FAAP100: variants seen among roughly 807,000 people sequenced by gnomAD.
FAAP100 encodes the protein Fanconi anemia core complex-associated protein 100.
FAAP100 carries 46 observed loss-of-function variants against 65.8 expected under a neutral mutation model. The observed-to-expected ratio is 0.70, with a 90% CI of 0.55 to 0.89. FAAP100 has a LOEUF of 0.89. Among genes scored for constraint, FAAP100 ranks in the 40% least tolerant of loss-of-function variants. FAAP100 has a pLI of 0.00. For missense variants in FAAP100, 1,165 were observed against 1,196.7 expected (o/e 0.97, Z 0.39); for synonymous variants, 663 against 555.1 (o/e 1.19, Z -2.73).
chr17:81,540,907 G>A lies in FAAP100; in HGVS notation c.2558C>T (p.Thr853Met), dbSNP rs142264957. Residue 853 changes from threonine (T) to methionine (M), a missense_variant, in exon 9 of 9, where the codon ACG (threonine) becomes ATG (methionine). Coordinates refer to ENST00000327787, the MANE Select transcript of FAAP100 (RefSeq NM_025161.6). ...GGCACAGGAGCTGGCCTCATCCTCCGTGCAGAGCCGGTCGCGCAGGGTCTG... is the reference window on the plus strand; with the variant it reads ...GGCACAGGAGCTGGCCTCATCCTCCATGCAGAGCCGGTCGCGCAGGGTCTG... Reference protein sequence around the residue: ...EVQTLRDRLCTEDEASSCATA... With the variant: ...EVQTLRDRLCMEDEASSCATA... The A allele has an allele frequency of 2.1e-4, 330 of 1,590,832 alleles. No homozygotes were observed. The highest frequency in any genetic ancestry group is 4.1e-4 in the African/African-American group (31 of 74,814).
chr17:81,541,464 G>A (rs1370360911), intron 7 of FAAP100, 69 bp from the exon 8 acceptor site: 29 of 1,371,584 alleles, frequency 2.1e-5, no homozygotes, highest in Non-Finnish European at 2.9e-5. Flanking sequence ...CTTGGAGCAG[G>A]GTGACCCTCT....
chr17:81,553,106 G>A (rs79691486), upstream of FAAP100: 143 of 163,528 alleles, frequency 8.7e-4, 2 homozygotes, highest in East Asian at 0.022. Context: ...CTGCAGTACG[G>A]ACACCTGCTC....
rs982480217 is a variant in FAAP100, at chr17:81,552,063, G to C, written c.166-11C>G. On this transcript the variant is annotated splice_polypyrimidine_tract_variant and intron_variant, in intron 1 of 8. Transcript: ENST00000327787. ...GAACCGGAACGCCGCCTGCGGACCGGGGCGCGGGTCAGGCCGACGCGACGC... is the reference window on the plus strand; with the variant it reads ...GAACCGGAACGCCGCCTGCGGACCGCGGCGCGGGTCAGGCCGACGCGACGC... The C allele has an allele frequency of 6.7e-7, 1 of 1,502,510 alleles. No individual in the cohort carries two copies. 93.1% of individuals were successfully genotyped at this position (1,502,510 alleles called of 1,614,324 possible). A position where few individuals can be genotyped will look rare whatever the true frequency, so the allele number is the denominator to read the frequency against.
chr17:81,540,242 T>C lies in FAAP100; in HGVS notation c.*577A>G. 1 of 398,988 alleles carries C rather than the reference T, an allele frequency of 2.5e-6. No homozygotes were observed. Among genetic ancestry groups the C allele is most frequent in the East Asian group, 3.6e-5 (1 of 28,078 alleles). 24.7% of individuals were successfully genotyped at this position (398,988 alleles called of 1,614,324 possible). A position where few individuals can be genotyped will look rare whatever the true frequency, so the allele number is the denominator to read the frequency against. ...CGGGCACTTGCAGGAGCTCCCTGCA[T>C]GCTGTTTTGTGCTTTGGTCTCAGGG... On this transcript the variant is annotated 3_prime_UTR_variant, in exon 9 of 9. Transcript: ENST00000327787.
At chr17:81,544,719 G>A (rs908350436) in intron 6 of FAAP100, among the ~76,000 whole-genome samples, 5 of 152,228 alleles carry the variant, frequency 3.3e-5, no homozygotes, top group African/African-American at 9.6e-5. Context: ...GAGACGCCAG[G>A]GGCCTGGGGA....
rs758580129 is a variant in FAAP100 at position 81,552,056 on chromosome 17, C to T, written c.166-4G>A. 4 of 1,508,028 alleles carry T rather than the reference C, an allele frequency of 2.7e-6. No homozygotes were observed. Among genetic ancestry groups the T allele is most frequent in the Non-Finnish European group, 3.5e-6 (4 of 1,138,798 alleles). The allele number at this position is 1,508,028 out of a possible 1,614,324, so 93.4% of individuals were successfully genotyped here. ...GGTCGGGGAACCGGAACGCCGCCTGCGGACCGGGGCGCGGGTCAGGCCGAC... is the reference window on the plus strand; with the variant it reads ...GGTCGGGGAACCGGAACGCCGCCTGTGGACCGGGGCGCGGGTCAGGCCGAC... On this transcript the variant is annotated splice_region_variant and splice_polypyrimidine_tract_variant and intron_variant, in intron 1 of 8. Coordinates refer to ENST00000327787, the MANE Select transcript of FAAP100 (RefSeq NM_025161.6).
intron 2 of FAAP100, chr17:81,551,587 G>C (rs997220036): frequency 3.3e-6 from 3 of 905,108 alleles, no homozygotes; most frequent in Non-Finnish European, 4.5e-6. Flanking sequence ...TCACTGACTC[G>C]GGGTCACGGT....
At position 81,540,210 on chromosome 17, in the gene FAAP100, G is replaced by A. The variant is rs1442892121; in HGVS notation, c.*609C>T. On this transcript the variant is annotated 3_prime_UTR_variant, in exon 9 of 9. Transcript: ENST00000327787. Reference sequence around the variant, plus strand: ...CGCTGGCCCTTCCTTGGTGTGGCACGAGACCACGGGCACTTGCAGGAGCTC... The same window carrying A: ...CGCTGGCCCTTCCTTGGTGTGGCACAAGACCACGGGCACTTGCAGGAGCTC... 3.5e-5 allele frequency: 14 copies of A among 398,900 alleles called. No individual in the cohort carries two copies. The highest frequency in any genetic ancestry group is 3.2e-4 in the East Asian group (9 of 28,092). The allele number at this position is 398,900 out of a possible 1,614,324, so 24.7% of individuals were successfully genotyped here.
chr17:81,543,703 G>T (rs2033197121), intron 7 of FAAP100, among the ~76,000 whole-genome samples: 1 of 152,138 alleles, frequency 6.6e-6, no homozygotes, highest in South Asian at 2.1e-4. Context: ...TGACCTCGCA[G>T]GTCACAAATA....
chr17:81,551,285 G>T, intron 2 of FAAP100, 82 bp from the exon 3 acceptor site: 1 of 1,373,282 alleles, frequency 7.3e-7, no homozygotes, highest in Non-Finnish European at 9.7e-7. Context: ...GCATGGAGTA[G>T]TCTGGCTCAG....
chr17:81,540,991 C>T (rs745791078), intron 8 of FAAP100, 41 bp from the exon 9 acceptor site: 2 of 1,528,898 alleles, frequency 1.3e-6, no homozygotes, highest in South Asian at 2.5e-5. Context: ...CCCACCTGGC[C>T]CTGGGGATGT....
rs2033022279 is a variant in FAAP100 at position 81,540,070 on chromosome 17, G to C, written c.*749C>G. Reference sequence around the variant, plus strand: ...GGAGGAGGCTGGGGGCTGGGGCTCAGGGCCCCCCCCCGGGCCACAGCGCCA... The same window carrying C: ...GGAGGAGGCTGGGGGCTGGGGCTCACGGCCCCCCCCCGGGCCACAGCGCCA... On this transcript the variant is annotated 3_prime_UTR_variant, in exon 9 of 9. Transcript: ENST00000327787. The C allele has an allele frequency of 5.8e-6, 2 of 343,884 alleles. No homozygotes were observed. Among genetic ancestry groups the C allele is most frequent in the African/African-American group, 5.3e-5 (2 of 37,826 alleles). The allele number at this position is 343,884 out of a possible 1,614,324, so 21.3% of individuals were successfully genotyped here.
At chr17:81,542,531 T>C (rs1197193310) in intron 7 of FAAP100, among the ~76,000 whole-genome samples, 1 of 152,162 alleles carries the variant, frequency 6.6e-6, no homozygotes, top group Non-Finnish European at 1.5e-5. Context: ...GGCTGCACTG[T>C]GTGCTGGGCA....
chr17:81,541,626 C>G lies in FAAP100; in HGVS notation c.2428-231G>C, dbSNP rs1042095375. On this transcript the variant is annotated intron_variant, in intron 7 of 8. Transcript: ENST00000327787. ...CCTGACAGTTTCTTGGAAGCGAACT[C>G]GTTTGGTTCTTTTCTCTCCATCGCT... 2.6e-5 allele frequency among the ~76,000 whole-genome samples: 4 copies of G among 152,238 alleles called. No homozygotes were observed. The East Asian group carries it at 7.7e-4, about 29-fold the overall frequency.
Position 81,540,736 on chromosome 17 carries a change from G to C in FAAP100, c.*83C>G. 2 of 1,406,632 alleles carry C rather than the reference G, an allele frequency of 1.4e-6. No homozygotes were observed. Among genetic ancestry groups the C allele is most frequent in the Middle Eastern group, 2.6e-4 (1 of 3,854 alleles). The allele number at this position is 1,406,632 out of a possible 1,614,324, so 87.1% of individuals were successfully genotyped here. A position where few individuals can be genotyped will look rare whatever the true frequency, so the allele number is the denominator to read the frequency against. On this transcript the variant is annotated 3_prime_UTR_variant, in exon 9 of 9. Transcript: ENST00000327787. ...CTGACGGCTCTGGCCAGGCCAGCTC[G>C]GTTTCCCTCTAACCCATGAGGCCTG... is the stretch of plus-strand genomic sequence containing the variant.
upstream of FAAP100, chr17:81,552,492 C>T: frequency 3.3e-6 from 2 of 602,222 alleles, no homozygotes; most frequent in East Asian, 3.6e-5. Context: ...ACTCCGGGAG[C>T]TGGGGCGGTC....
Position 81,545,604 on chromosome 17 carries a change from GTCATA to G in FAAP100, c.2310+137_2310+141del, listed in dbSNP as rs2033270111. 7.5e-6 allele frequency: 9 copies of G among 1,193,192 alleles called. No homozygotes were observed. The South Asian group carries it at 1.4e-4, about 19-fold the overall frequency. The allele number at this position is 1,193,192 out of a possible 1,614,324, so 73.9% of individuals were successfully genotyped here. On this transcript the variant is annotated intron_variant, in intron 6 of 8. Coordinates refer to ENST00000327787, the MANE Select transcript of FAAP100 (RefSeq NM_025161.6). ...GGTCTGCTTGGTGCGAGGGGAAACT[GTCATA>G]TCAGAGTCCTCCGGGAAGCTTGGGA...
chr17:81,552,856 G>GC (rs201769038), upstream of FAAP100, among the ~76,000 whole-genome samples: 132,196 of 152,068 alleles, frequency 0.87, 57,903 homozygotes, highest in East Asian at 1. Flanking sequence ...TCTGCGAGCC[G>GC]CCCCGGCCGC....
chr17:81,545,627 G>C (rs994573630), intron 6 of FAAP100, 119 bp downstream of exon 6: 1 of 1,347,488 alleles, frequency 7.4e-7, no homozygotes, highest in Non-Finnish European at 9.9e-7. Flanking sequence ...CCTCCGGGAA[G>C]CTTGGGAAAA....
Sources: gnomAD v4.1 joint callset for allele counts (sites outside exome capture counted in the v4.1 genomes callset) on GRCh38, gnomAD v4.1.1 for gene constraint, MANE v1.5 for transcripts, NCBI Gene and HGNC (gene_info 2026-07-23, HGNC 2026-07-21) for gene names.